The following AMZ1 variants were observed in gnomAD, a reference collection of about 807,000 sequenced individuals.
The protein encoded by AMZ1 is archaelysin family metallopeptidase 1.
Under a neutral mutation model 29.9 loss-of-function variants are expected in AMZ1, and 39 were observed. The observed-to-expected ratio is 1.30, with a 90% confidence interval of 1.01 to 1.70. The LOEUF is 1.70. AMZ1 is among the 40% of genes most tolerant of loss of function. The probability of loss-of-function intolerance (pLI) is 0.00; values close to 1 mark genes in which losing one functional copy is unlikely to be tolerated. For missense variants in AMZ1, 1,041 were observed against 680.6 expected (o/e 1.53, Z -5.89); for synonymous variants, 458 against 304.0 (o/e 1.51, Z -5.27).
At chr7:2,709,383 T>C in intron 5 of AMZ1, 139 bp downstream of exon 5, 4 of 1,081,532 alleles carry the variant, frequency 3.7e-6, no homozygotes, top group Non-Finnish European at 5.1e-6. Context: ...AAAGCAAGGC[T>C]ACACAGCTAT....
chr7:2,712,663 G>T lies in AMZ1; in HGVS notation c.1282G>T (p.Val428Leu), dbSNP rs1352251523. ...LQREVAEEDLVQVDRAVDALD... is the reference protein window; with the variant it reads ...LQREVAEEDLLQVDRAVDALD... Reference sequence around the variant, plus strand: ...GCGGGAAGTGGCAGAGGAGGACCTGGTGCAGGTGGACAGAGCCGTGGACGC... The same window carrying T: ...GCGGGAAGTGGCAGAGGAGGACCTGTTGCAGGTGGACAGAGCCGTGGACGC... Residue 428 changes from valine to leucine, a missense_variant, in exon 7 of 7, where the codon GTG becomes TTG. Val to Leu is a conservative substitution (Grantham distance 32). Transcript: ENST00000683327. 1 of 1,612,986 alleles carries T rather than the reference G, an allele frequency of 6.2e-7. No homozygotes were observed. Among genetic ancestry groups the T allele is most frequent in the Non-Finnish European group, 8.5e-7 (1 of 1,179,934 alleles).
At chr7:2,747,819 A>C (rs1790841563) in intron 4 of AMZ1, among the ~76,000 whole-genome samples, 1 of 152,240 alleles carries the variant, frequency 6.6e-6, no homozygotes, top group Non-Finnish European at 1.5e-5. Context: ...AAGCAACTTC[A>C]GGATATAAAA....
At chr7:2,739,945 T>A (rs1039726414) in intron 4 of AMZ1, among the ~76,000 whole-genome samples, 5 of 152,208 alleles carry the variant, frequency 3.3e-5, no homozygotes, top group African/African-American at 1.2e-4. Context: ...AGTGCTGGGA[T>A]TACAGGTGTG....
At chr7:2,685,656 C>T (rs536360946), upstream of AMZ1, among the ~76,000 whole-genome samples, 12 of 151,872 alleles carry the variant, frequency 7.9e-5, no homozygotes, top group South Asian at 1.0e-3. Flanking sequence ...AGATCGAGAC[C>T]ATCCTGGCCA....
At chr7:2,703,201 C>T (rs768859842) in intron 3 of AMZ1, among the ~76,000 whole-genome samples, 2 of 152,142 alleles carry the variant, frequency 1.3e-5, no homozygotes, top group Non-Finnish European at 2.9e-5. Flanking sequence ...GGCTGGAGTG[C>T]CGTGGCGCGA....
chr7:2,741,503 T>C (rs569582825), intron 4 of AMZ1, among the ~76,000 whole-genome samples: 8 of 152,284 alleles, frequency 5.3e-5, no homozygotes, highest in African/African-American at 1.9e-4. Context: ...TTTCTACTTT[T>C]TGGGGAAATT....
chr7:2,747,505 T>G (rs908667364), intron 4 of AMZ1, among the ~76,000 whole-genome samples: 1 of 152,202 alleles, frequency 6.6e-6, no homozygotes, highest in African/African-American at 2.4e-5. Flanking sequence ...AAATTAGGTA[T>G]TGATGGGACG....
intron 3 of AMZ1, among the ~76,000 whole-genome samples, chr7:2,707,781 C>G (rs116588593): frequency 1.9e-4 from 28 of 150,912 alleles, no homozygotes; most frequent in Non-Finnish European, 2.9e-5. Flanking sequence ...TCAGGCCTCA[C>G]GTTCTCACCC....
In AMZ1 at chr7:2,713,875, CCAAGTAGCTGGAGGTGGT is replaced by C. The variant is rs1788960008; in HGVS notation, c.*998_*1015del. The C allele has an allele frequency of 6.6e-6, 1 of 152,252 alleles. No homozygotes were observed. The highest frequency in any genetic ancestry group is 1.5e-5 in the Non-Finnish European group (1 of 68,054). The allele number at this position is 152,252 out of a possible 1,614,324, so 9.4% of individuals were successfully genotyped here. On this transcript the variant is annotated 3_prime_UTR_variant, in exon 7 of 7. Coordinates refer to ENST00000683327, the MANE Select transcript of AMZ1 (RefSeq NM_001384743.1). ...GGCAAAGGTGGCCGCGCTGTCAGTA[CCAAGTAGCTGGAGGTGGT>C]GATCAGATGATCTGTCTTTCCTTTT...
intron 4 of AMZ1, among the ~76,000 whole-genome samples, chr7:2,737,480 G>A (rs1414140821): frequency 6.6e-6 from 1 of 151,692 alleles, no homozygotes; most frequent in Non-Finnish European, 1.5e-5. Context: ...GTAGAGACGG[G>A]GTTTCACCAG....
chr7:2,737,268 T>C (rs1790235924), intron 4 of AMZ1, among the ~76,000 whole-genome samples: 1 of 106,634 alleles, frequency 9.4e-6, no homozygotes, highest in Non-Finnish European at 1.8e-5. Context: ...CTCACAGTTT[T>C]GTTTTGTTTT....
Position 2,715,130 on chromosome 7 carries a change from G to A in AMZ1, c.*2252G>A, listed in dbSNP as rs1427223686. The A allele has an allele frequency of 1.3e-5, 2 of 152,238 alleles. No homozygotes were observed. Among genetic ancestry groups the A allele is most frequent in the African/African-American group, 4.8e-5 (2 of 41,458 alleles). The allele number at this position is 152,238 out of a possible 1,614,324, so 9.4% of individuals were successfully genotyped here. On this transcript the variant is annotated 3_prime_UTR_variant, in exon 7 of 7. Transcript: ENST00000683327. ...CCTAAGGTGGACATCGGGAGGGTCA[G>A]ATGGAAGCTCTGTGGCCTTTCCTAA...
At chr7:2,736,131 A>G (rs798524) in intron 4 of AMZ1, among the ~76,000 whole-genome samples, 89,761 of 152,030 alleles carry the variant, frequency 0.59, 26,732 homozygotes, top group Admixed American at 0.63. Flanking sequence ...TTCAACACTA[A>G]GAGAATTCAG....
chr7:2,762,537 C>T, upstream of AMZ1: 1 of 1,229,028 alleles, frequency 8.1e-7, no homozygotes, highest in Non-Finnish European at 1.1e-6. Context: ...TTCCACCACG[C>T]CTTCTATTCT....
intron 4 of AMZ1, among the ~76,000 whole-genome samples, chr7:2,733,124 C>A (rs1055706604): frequency 2.0e-5 from 3 of 152,198 alleles, no homozygotes; most frequent in Admixed American, 2.0e-4. Flanking sequence ...TCAGTGATAA[C>A]TGCCATGCCT....
downstream of AMZ1, among the ~76,000 whole-genome samples, chr7:2,723,468 CTTT>C (rs1789501797): frequency 1.3e-5 from 2 of 152,108 alleles, no homozygotes; most frequent in African/African-American, 4.8e-5. Context: ...TACTGACCTT[CTTT>C]GAGGAGCACA....
intron 4 of AMZ1, among the ~76,000 whole-genome samples, chr7:2,759,550 T>C (rs798492): frequency 0.41 from 62,605 of 152,090 alleles, 13,155 homozygotes; most frequent in Admixed American, 0.47. Flanking sequence ...AGCCAAATAC[T>C]AGAATAGTGG....
At chr7:2,685,651 G>A (rs1263615363), upstream of AMZ1, among the ~76,000 whole-genome samples, 11 of 151,486 alleles carry the variant, frequency 7.3e-5, no homozygotes, top group African/African-American at 1.9e-4. Context: ...TCAGGAGATC[G>A]AGACCATCCT....
At chr7:2,703,994 T>A (rs981340352) in intron 3 of AMZ1, among the ~76,000 whole-genome samples, 1 of 152,170 alleles carries the variant, frequency 6.6e-6, no homozygotes, top group South Asian at 2.1e-4. Flanking sequence ...GTTCACACCA[T>A]TCTCCTGCCT....
Sources: allele counts gnomAD v4.1 joint callset (sites outside exome capture counted in the v4.1 genomes callset), GRCh38; gene constraint gnomAD v4.1.1; transcripts MANE v1.5; gene names NCBI Gene and HGNC (gene_info 2026-07-23, HGNC 2026-07-21).